The following CMIP variants were observed in gnomAD, a reference collection of about 807,000 sequenced individuals.
The protein encoded by CMIP is C-Maf-inducing protein.
In CMIP, 13 loss-of-function variants were observed where a neutral mutation model predicts 97.3. The ratio of observed to expected loss-of-function variants is 0.13; its 90% CI spans 0.09 to 0.21. The LOEUF (loss-of-function observed/expected upper bound fraction) is 0.21, where lower values mean the gene tolerates loss of function less well. Among genes scored for constraint, CMIP ranks in the 10% least tolerant of loss-of-function variants. The pLI, the probability that CMIP is intolerant of heterozygous loss-of-function variation, is 1.00. For synonymous variants in CMIP, 538 were observed against 436.3 expected, an observed-to-expected ratio of 1.23 and a Z score of -2.91; for missense variants, 847 against 1,024.9, an observed-to-expected ratio of 0.83 and a Z score of 2.37.
intron 1 of CMIP, among the ~76,000 whole-genome samples, chr16:81,529,448 T>C (rs2090190952): frequency 6.6e-6 from 1 of 152,162 alleles, no homozygotes; most frequent in African/African-American, 2.4e-5. Flanking sequence ...CTTGTTGGTC[T>C]TCGAGGAGAT....
At chr16:81,607,476 G>C in intron 1 of CMIP, 91 bp from the exon 2 acceptor site, 1 of 1,513,996 alleles carries the variant, frequency 6.6e-7, no homozygotes, top group Non-Finnish European at 9.0e-7. Flanking sequence ...TGTCGCCAGA[G>C]GGGCGATGTT....
chr16:81,471,476 A>G (rs1213620977), intron 1 of CMIP, among the ~76,000 whole-genome samples: 2 of 152,250 alleles, frequency 1.3e-5, no homozygotes, highest in South Asian at 2.1e-4. Context: ...GTATGCAGAC[A>G]TGCACACAGA....
intron 2 of CMIP, among the ~76,000 whole-genome samples, chr16:81,612,110 G>A (rs1217062249): frequency 6.6e-6 from 1 of 152,210 alleles, no homozygotes; most frequent in Non-Finnish European, 1.5e-5. Flanking sequence ...TAAGTACATA[G>A]ACAGTGTCAT....
intron 1 of CMIP, among the ~76,000 whole-genome samples, chr16:81,447,651 A>T (rs62043925): frequency 0.19 from 29,033 of 152,192 alleles, 4,622 homozygotes; most frequent in African/African-American, 0.43. Context: ...GTGTTAGGAA[A>T]TGTGGCAAGA....
chr16:81,525,588 CTCCGT>C (rs1282452700), intron 1 of CMIP, among the ~76,000 whole-genome samples: 2 of 152,110 alleles, frequency 1.3e-5, no homozygotes, highest in Non-Finnish European at 2.9e-5. Flanking sequence ...AATGGTTCTC[CTCCGT>C]CAGCCTCTCA....
intron 8 of CMIP, among the ~76,000 whole-genome samples, chr16:81,671,428 T>G (rs1567650757): frequency 6.6e-6 from 1 of 152,236 alleles, no homozygotes; most frequent in Non-Finnish European, 1.5e-5. Context: ...GAGGACTTAG[T>G]AACTATGTTG....
intron 3 of CMIP, chr16:81,645,928 C>A (rs2092359562): frequency 4.6e-6 from 2 of 437,980 alleles, no homozygotes; most frequent in African/African-American, 4.0e-5. Flanking sequence ...AAGTAATAGA[C>A]TGTAAGTTTC....
intron 1 of CMIP, among the ~76,000 whole-genome samples, chr16:81,533,260 A>T (rs1217122055): frequency 6.6e-6 from 1 of 152,118 alleles, no homozygotes; most frequent in African/African-American, 2.4e-5. Context: ...TATCCCCAGC[A>T]TTTAGAACAG....
chr16:81,702,772 G>T (rs1409723912), intron 17 of CMIP, 103 bp downstream of exon 17: 2 of 1,030,230 alleles, frequency 1.9e-6, no homozygotes, highest in Non-Finnish European at 3.0e-6. Flanking sequence ...GGAGGTGATG[G>T]AGGGCGGGGC....
At chr16:81,492,676 G>T (rs1190021801) in intron 1 of CMIP, among the ~76,000 whole-genome samples, 1 of 152,146 alleles carries the variant, frequency 6.6e-6, no homozygotes, top group Non-Finnish European at 1.5e-5. Flanking sequence ...GGGGAGGGAA[G>T]GGAGGGCCCT....
intron 1 of CMIP, among the ~76,000 whole-genome samples, chr16:81,459,050 A>G (rs999647922): frequency 1.4e-5 from 2 of 143,662 alleles, no homozygotes; most frequent in Admixed American, 6.9e-5. Context: ...CACCATCACC[A>G]TCACCATCAC....
At chr16:81,704,215 C>A in intron 18 of CMIP, 130 bp downstream of exon 18, 1 of 611,428 alleles carries the variant, frequency 1.6e-6, no homozygotes, top group East Asian at 3.1e-5. Flanking sequence ...CCTTCCTGCC[C>A]CCTCCCCCTC....
intron 1 of CMIP, among the ~76,000 whole-genome samples, chr16:81,507,117 G>C (rs1475666427): frequency 1.3e-5 from 2 of 151,978 alleles, no homozygotes; most frequent in Non-Finnish European, 2.9e-5. Context: ...TTAGCTGGGC[G>C]TGGTGGCGGG....
At chr16:81,495,278 G>T in intron 1 of CMIP, 1 of 1,414,310 alleles carries the variant, frequency 7.1e-7, no homozygotes, top group Admixed American at 3.0e-5. Flanking sequence ...GGGGGAAGCA[G>T]AGGATGAACC....
intron 1 of CMIP, among the ~76,000 whole-genome samples, chr16:81,543,040 G>T (rs181688811): frequency 6.6e-6 from 1 of 152,194 alleles, no homozygotes; most frequent in Admixed American, 6.5e-5. Flanking sequence ...TCCGTTCCAC[G>T]GGGTGCTGGT....
intron 1 of CMIP, among the ~76,000 whole-genome samples, chr16:81,530,841 C>G (rs547377601): frequency 6.3e-4 from 96 of 152,192 alleles, no homozygotes; most frequent in Non-Finnish European, 1.1e-3. Flanking sequence ...ATCAGTTCAG[C>G]TTCTTCTGCA....
chr16:81,651,039 A>G (rs1162391936), intron 3 of CMIP, among the ~76,000 whole-genome samples: 3 of 152,076 alleles, frequency 2.0e-5, no homozygotes, highest in Admixed American at 1.3e-4. Context: ...GGCAGCTTCT[A>G]AGTTTCTGTT....
intron 1 of CMIP, among the ~76,000 whole-genome samples, chr16:81,552,911 A>G (rs540320255): frequency 3.9e-5 from 6 of 152,294 alleles, no homozygotes; most frequent in Non-Finnish European, 8.8e-5. Context: ...TGGAGCTGCC[A>G]GTCCTTTCCA....
chr16:81,638,528 C>G (rs967144309), intron 3 of CMIP, among the ~76,000 whole-genome samples: 2 of 152,058 alleles, frequency 1.3e-5, no homozygotes, highest in Non-Finnish European at 2.9e-5. Context: ...AAGGCCAGAG[C>G]ATAACACGCC....
Sources: allele counts gnomAD v4.1 joint callset (sites outside exome capture counted in the v4.1 genomes callset), GRCh38; gene constraint gnomAD v4.1.1; transcripts MANE v1.5; gene names NCBI Gene and HGNC (gene_info 2026-07-23, HGNC 2026-07-21).